EXOC4: variants seen among roughly 807,000 people sequenced by gnomAD.
EXOC4 encodes the protein SEC8-like 1.
In EXOC4, 71 loss-of-function variants were observed where a neutral mutation model predicts 107.2. That is an observed-to-expected ratio of 0.66 (90% CI 0.55 to 0.81). The LOEUF (loss-of-function observed/expected upper bound fraction) is 0.81, where lower values mean the gene tolerates loss of function less well. EXOC4 is among the 30% of genes least tolerant of loss of function. EXOC4 has a pLI of 0.00. For missense variants in EXOC4, 1,108 were observed against 1,189.6 expected, an observed-to-expected ratio of 0.93 and a Z score of 1.01; for synonymous variants, 456 against 441.2, an observed-to-expected ratio of 1.03 and a Z score of -0.42.
intron 11 of EXOC4, among the ~76,000 whole-genome samples, chr7:133,850,169 T>A (rs996299080): frequency 1.3e-5 from 2 of 152,170 alleles, no homozygotes; most frequent in Non-Finnish European, 2.9e-5. Flanking sequence ...AAATTGAAAA[T>A]TTTTCTCTGG....
At chr7:133,712,657 C>T (rs1794919771) in intron 10 of EXOC4, among the ~76,000 whole-genome samples, 1 of 152,062 alleles carries the variant, frequency 6.6e-6, no homozygotes, top group Non-Finnish European at 1.5e-5. Context: ...TATACACACA[C>T]ATTAATAAAG....
chr7:133,599,885 T>C (rs917658134), intron 9 of EXOC4, among the ~76,000 whole-genome samples: 1 of 149,018 alleles, frequency 6.7e-6, no homozygotes, highest in Admixed American at 6.7e-5. Context: ...ATTGAACAGA[T>C]CTCTGATTTT....
chr7:133,853,570 A>G (rs369174840), intron 11 of EXOC4, among the ~76,000 whole-genome samples: 1 of 152,118 alleles, frequency 6.6e-6, no homozygotes, highest in Non-Finnish European at 1.5e-5. Flanking sequence ...GTTTTTGACT[A>G]TCGCCACCTC....
chr7:133,830,505 C>T (rs546032110), intron 11 of EXOC4, among the ~76,000 whole-genome samples: 9 of 152,350 alleles, frequency 5.9e-5, no homozygotes, highest in Non-Finnish European at 1.2e-4. Flanking sequence ...AAATTGCCAA[C>T]AGCTATGTTA....
At chr7:134,097,677 C>T in the EXOC4 span, among the ~76,000 whole-genome samples, 1 of 152,296 alleles carries the variant, frequency 6.6e-6, no homozygotes, top group Non-Finnish European at 1.5e-5. Flanking sequence ...GAAATCTACC[C>T]CCACAACTTG....
intron 17 of EXOC4, among the ~76,000 whole-genome samples, chr7:134,040,838 C>T (rs1197776358): frequency 6.6e-6 from 1 of 152,146 alleles, no homozygotes; most frequent in Admixed American, 6.5e-5. Context: ...ACCTGTGGTA[C>T]TATCATCAAT....
chr7:133,307,719 G>A (rs1794785174), intron 4 of EXOC4, among the ~76,000 whole-genome samples: 1 of 152,108 alleles, frequency 6.6e-6, no homozygotes, highest in African/African-American at 2.4e-5. Flanking sequence ...GCCATCATTA[G>A]GGTACATGAC....
intron 3 of EXOC4, among the ~76,000 whole-genome samples, chr7:133,299,482 A>C (rs1252601101): frequency 6.6e-6 from 1 of 152,184 alleles, no homozygotes; most frequent in Non-Finnish European, 1.5e-5. Flanking sequence ...TTTAAGGGGG[A>C]AAAACAAAAA....
intron 3 of EXOC4, among the ~76,000 whole-genome samples, chr7:133,292,396 A>G (rs1046126807): frequency 2.6e-5 from 4 of 152,204 alleles, no homozygotes; most frequent in African/African-American, 9.6e-5. Flanking sequence ...AGCAATATAT[A>G]TAGTCCTTAG....
At chr7:133,877,504 A>G (rs1798874332) in intron 11 of EXOC4, among the ~76,000 whole-genome samples, 1 of 152,158 alleles carries the variant, frequency 6.6e-6, no homozygotes, top group South Asian at 2.1e-4. Context: ...CTTTTACTCT[A>G]AGGCTAATTT....
chr7:133,649,128 C>T (rs1408025827), intron 10 of EXOC4, among the ~76,000 whole-genome samples: 1 of 152,070 alleles, frequency 6.6e-6, no homozygotes, highest in African/African-American at 2.4e-5. Flanking sequence ...ATAGTGCCCC[C>T]TCCTCTTTTA....
intron 17 of EXOC4, 77 bp from the exon 18 acceptor site, chr7:134,064,214 T>C (rs1796133925): frequency 3.3e-6 from 3 of 917,876 alleles, no homozygotes; most frequent in Non-Finnish European, 4.8e-6. Context: ...AATCAATGTA[T>C]AGACAGCGTA....
chr7:133,880,854 AT>A (rs1240579208), intron 11 of EXOC4, among the ~76,000 whole-genome samples: 1 of 152,174 alleles, frequency 6.6e-6, no homozygotes, highest in Admixed American at 6.5e-5. Flanking sequence ...TACATTTTCC[AT>A]GTTTTTATTG....
chr7:133,789,228 C>T (rs1425802933), intron 10 of EXOC4, among the ~76,000 whole-genome samples: 1 of 152,118 alleles, frequency 6.6e-6, no homozygotes, highest in Non-Finnish European at 1.5e-5. Flanking sequence ...TCTGGACCAG[C>T]ATCTATTCCG....
intron 10 of EXOC4, among the ~76,000 whole-genome samples, chr7:133,712,693 G>A (rs983774272): frequency 1.3e-5 from 2 of 152,098 alleles, no homozygotes; most frequent in Non-Finnish European, 2.9e-5. Flanking sequence ...CTGAAAGATA[G>A]AAATAGCCCA....
At chr7:133,321,459 C>T (rs1289526230) in intron 5 of EXOC4, among the ~76,000 whole-genome samples, 1 of 152,156 alleles carries the variant, frequency 6.6e-6, no homozygotes, top group African/African-American at 2.4e-5. Flanking sequence ...TGTGATGTTC[C>T]TCTCCTGTGT....
chr7:133,921,143 G>C (rs958733807), intron 13 of EXOC4, among the ~76,000 whole-genome samples: 9 of 152,236 alleles, frequency 5.9e-5, no homozygotes, highest in Non-Finnish European at 2.9e-5. Flanking sequence ...AACAGGGTTA[G>C]AGGGTGGGGC....
At chr7:133,535,235 A>T (rs1157788449) in intron 9 of EXOC4, among the ~76,000 whole-genome samples, 1 of 152,128 alleles carries the variant, frequency 6.6e-6, no homozygotes, top group East Asian at 1.9e-4. Flanking sequence ...GATTTTACTC[A>T]TGAAGTTCTG....
intron 11 of EXOC4, among the ~76,000 whole-genome samples, chr7:133,831,853 G>A (rs535307701): frequency 5.7e-4 from 87 of 152,028 alleles, no homozygotes; most frequent in African/African-American, 2.1e-3. Flanking sequence ...AACCATTTAC[G>A]TCTGTATTAA....
Sources: gnomAD v4.1 joint callset for allele counts (sites outside exome capture counted in the v4.1 genomes callset) on GRCh38, gnomAD v4.1.1 for gene constraint, MANE v1.5 for transcripts, NCBI Gene and HGNC (gene_info 2026-07-23, HGNC 2026-07-21) for gene names.